The following ERN1 variants were observed in gnomAD, a reference collection of about 807,000 sequenced individuals.
The protein encoded by ERN1 is serine/threonine-protein kinase/endoribonuclease IRE1.
ERN1 carries 39 observed loss-of-function variants against 113.1 expected under a neutral mutation model. The ratio of observed to expected loss-of-function variants is 0.34; its 90% CI spans 0.27 to 0.45. The LOEUF is 0.45. Among genes scored for constraint, ERN1 ranks in the 20% least tolerant of loss-of-function variants. The probability of loss-of-function intolerance (pLI) is 1.00; values close to 1 mark genes in which losing one functional copy is unlikely to be tolerated. For synonymous variants in ERN1, 507 were observed against 515.9 expected, an observed-to-expected ratio of 0.98 and a Z score of 0.23; for missense variants, 976 against 1,274.8, an observed-to-expected ratio of 0.77 and a Z score of 3.57.
Position 64,040,414 on chromosome 17 carries a change from A to C in ERN1, c.*3574T>G, listed in dbSNP as rs1912300815. 1.3e-5 allele frequency: 2 copies of C among 152,370 alleles called. No individual in the cohort carries two copies. The highest frequency in any genetic ancestry group is 4.8e-5 in the African/African-American group (2 of 41,468). 9.4% of individuals were successfully genotyped at this position (152,370 alleles called of 1,614,324 possible). On this transcript the variant is annotated 3_prime_UTR_variant, in exon 22 of 22. Transcript: ENST00000433197. ...GGCCAAAGTCCAACTTCCTGAAAAG[A>C]AAGCAGCCAAGAGGAGAAAGCCGTA...
At position 64,047,885 on chromosome 17, in the gene ERN1, G is replaced by C. The variant is rs932612521; in HGVS notation, c.2502C>G (p.Ser834Arg). Residue 834 changes from serine (S) to arginine (R), a missense_variant, in exon 19 of 22, where the codon AGC becomes AGG. By Grantham distance (110) the Ser-to-Arg change is moderately radical. This residue lies in a region of ERN1 where 297 missense variants were observed against 457.8 expected (regional missense o/e 0.65). Coordinates refer to ENST00000433197, the MANE Select transcript of ERN1 (RefSeq NM_001433.5). ...KHVLKHPFFW[S>R]LEKQLQFFQD... Reference sequence around the variant, plus strand: ...GGAAGAACTGGAGCTGCTTCTCTAGGCTCCAGAAGAACGGGTGTTTGAGCA... The same window carrying C: ...GGAAGAACTGGAGCTGCTTCTCTAGCCTCCAGAAGAACGGGTGTTTGAGCA... 6.2e-5 allele frequency: 100 copies of C among 1,612,638 alleles called. No homozygotes were observed. The highest frequency in any genetic ancestry group is 8.1e-5 in the Non-Finnish European group (96 of 1,179,020).
Position 64,044,985 on chromosome 17 carries a change from A to G in ERN1, c.2654-58T>C. 1.6e-6 allele frequency: 2 copies of G among 1,258,182 alleles called. No individual in the cohort carries two copies. The highest frequency in any genetic ancestry group is 5.0e-5 in the East Asian group (2 of 39,878). 77.9% of individuals were successfully genotyped at this position (1,258,182 alleles called of 1,614,324 possible). ...CAAATTTAAAACTAATACATTTTAAAAGAAAACAATTCATGGGGTCCTGGG... is the reference window on the plus strand; with the variant it reads ...CAAATTTAAAACTAATACATTTTAAGAGAAAACAATTCATGGGGTCCTGGG... On this transcript the variant is annotated intron_variant, in intron 20 of 21. Transcript: ENST00000433197. This position sits in a 1 kb window ranked among gnomAD's most constrained non-coding sequence, Gnocchi z 4.1.
intron 1 of ERN1, among the ~76,000 whole-genome samples, chr17:64,119,799 C>T (rs139224933): frequency 5.3e-5 from 8 of 152,220 alleles, no homozygotes; most frequent in African/African-American, 9.6e-5. Context: ...AGTCTGGTCC[C>T]GTGCTCTGTG....
chr17:64,128,590 C>A (rs1015476867), intron 1 of ERN1, among the ~76,000 whole-genome samples: 3 of 152,068 alleles, frequency 2.0e-5, no homozygotes, highest in Admixed American at 6.5e-5. Context: ...ATGAAATGAT[C>A]GAATTCATGT....
At chr17:64,099,712 C>T (rs2143456888) in intron 1 of ERN1, among the ~76,000 whole-genome samples, 1 of 152,232 alleles carries the variant, frequency 6.6e-6, no homozygotes, top group South Asian at 2.1e-4. Context: ...CCTAGTTAAT[C>T]CTTCAAAGGG....
At chr17:64,099,405 G>A (rs976236247) in intron 1 of ERN1, among the ~76,000 whole-genome samples, 1 of 151,948 alleles carries the variant, frequency 6.6e-6, no homozygotes, top group Non-Finnish European at 1.5e-5. Flanking sequence ...AGCTGGTAAG[G>A]TTTCCTGGAT....
chr17:64,119,330 T>C (rs923125939), intron 1 of ERN1, among the ~76,000 whole-genome samples: 3 of 150,694 alleles, frequency 2.0e-5, no homozygotes, highest in African/African-American at 7.3e-5. Flanking sequence ...AGTTGAATGA[T>C]ATAGTACAGT....
intron 1 of ERN1, among the ~76,000 whole-genome samples, chr17:64,104,004 C>G (rs1225327635): frequency 6.6e-6 from 1 of 151,920 alleles, no homozygotes; most frequent in Non-Finnish European, 1.5e-5. Flanking sequence ...TTTGGGAGGC[C>G]CAGGCAGGAG....
chr17:64,091,195 C>T (rs887071914), intron 2 of ERN1, among the ~76,000 whole-genome samples: 2 of 150,538 alleles, frequency 1.3e-5, no homozygotes, highest in African/African-American at 2.5e-5. Flanking sequence ...AGACAGATCT[C>T]CAACTCTTCC....
intron 1 of ERN1, among the ~76,000 whole-genome samples, chr17:64,099,704 T>C (rs935809329): frequency 3.3e-5 from 5 of 152,106 alleles, no homozygotes; most frequent in African/African-American, 1.2e-4. Context: ...CCAGGATGCC[T>C]AGTTAATCCT....
At chr17:64,079,480 C>G (rs1433043185) in intron 4 of ERN1, among the ~76,000 whole-genome samples, 182 bp downstream of exon 4, 1 of 152,144 alleles carries the variant, frequency 6.6e-6, no homozygotes, top group East Asian at 1.9e-4. Context: ...TTTAAAAGCT[C>G]ATTTAGGAAG....
intron 1 of ERN1, among the ~76,000 whole-genome samples, chr17:64,128,392 G>A (rs1411480574): frequency 1.3e-5 from 2 of 152,092 alleles, no homozygotes; most frequent in Admixed American, 6.6e-5. Flanking sequence ...ACTCTGAGAA[G>A]TTTGGATTTC....
chr17:64,092,992 A>C (rs1227316012), intron 2 of ERN1, among the ~76,000 whole-genome samples: 1 of 152,234 alleles, frequency 6.6e-6, no homozygotes, highest in Non-Finnish European at 1.5e-5. Flanking sequence ...AAAATGTCAC[A>C]ACCCAAATGA....
intron 1 of ERN1, among the ~76,000 whole-genome samples, chr17:64,116,497 C>T (rs1482780355): frequency 6.6e-6 from 1 of 152,104 alleles, no homozygotes; most frequent in Non-Finnish European, 1.5e-5. Flanking sequence ...AGAATAAGGT[C>T]ACTGGATTGC....
chr17:64,066,424 T>C (rs1306177243), intron 8 of ERN1, among the ~76,000 whole-genome samples: 1 of 152,134 alleles, frequency 6.6e-6, no homozygotes, highest in Non-Finnish European at 1.5e-5. Flanking sequence ...TACAGGTGTA[T>C]GCCATGGTGC....
intron 11 of ERN1, among the ~76,000 whole-genome samples, chr17:64,059,848 ATTTTTTTTTT>A (rs57472561): frequency 6.1e-5 from 7 of 114,592 alleles, no homozygotes; most frequent in African/African-American, 2.5e-4. Context: ...TTCTTCAACA[ATTTTTTTTTT>A]TTTTTTTTTT....
intron 1 of ERN1, among the ~76,000 whole-genome samples, chr17:64,126,076 AG>A: frequency 6.6e-6 from 1 of 152,252 alleles, no homozygotes; most frequent in South Asian, 2.1e-4. Context: ...AAAGATAGAA[AG>A]GAAAAAAAAA....
At chr17:64,125,900 T>C (rs1490250143) in intron 1 of ERN1, among the ~76,000 whole-genome samples, 1 of 152,146 alleles carries the variant, frequency 6.6e-6, no homozygotes, top group Admixed American at 6.5e-5. Flanking sequence ...AGATGTTCTG[T>C]GGGGAAAAAG....
chr17:64,043,721 G>A lies in ERN1; in HGVS notation c.*267C>T, dbSNP rs1912412996. On this transcript the variant is annotated 3_prime_UTR_variant, in exon 22 of 22. Coordinates refer to ENST00000433197, the MANE Select transcript of ERN1 (RefSeq NM_001433.5). ...GTAGATGGCTGGGGGTGCTACTCGCGCTGTCTCTGAGGCCCTCCTTTGCAG... is the reference window on the plus strand; with the variant it reads ...GTAGATGGCTGGGGGTGCTACTCGCACTGTCTCTGAGGCCCTCCTTTGCAG... 1.1e-5 allele frequency: 4 copies of A among 363,760 alleles called. No homozygotes were observed. Among genetic ancestry groups the A allele is most frequent in the Admixed American group, 4.6e-5 (1 of 21,666 alleles). The allele number at this position is 363,760 out of a possible 1,614,324, so 22.5% of individuals were successfully genotyped here.
Sources: allele counts gnomAD v4.1 joint callset (sites outside exome capture counted in the v4.1 genomes callset), GRCh38; gene constraint gnomAD v4.1.1; regional missense constraint gnomAD v4.1.1; non-coding constraint Gnocchi (gnomAD v3.1); transcripts MANE v1.5; gene names NCBI Gene and HGNC (gene_info 2026-07-23, HGNC 2026-07-21).